The following MYO10 variants were observed in gnomAD, a reference collection of about 807,000 sequenced individuals.
The protein encoded by MYO10 is unconventional myosin-X.
In MYO10, 133 loss-of-function variants were observed where a neutral mutation model predicts 257.3. The observed-to-expected ratio is 0.52, with a 90% CI of 0.45 to 0.60. The LOEUF (loss-of-function observed/expected upper bound fraction) is 0.60. Among genes scored for constraint, MYO10 ranks in the 20% least tolerant of loss-of-function variants. The probability of loss-of-function intolerance (pLI) is 0.00; values close to 1 mark genes in which losing one functional copy is unlikely to be tolerated. For missense variants in MYO10, 2,399 were observed against 2,635.7 expected, an observed-to-expected ratio of 0.91 and a Z score of 1.97; for synonymous variants, 1,104 against 1,028.6, an observed-to-expected ratio of 1.07 and a Z score of -1.40.
chr5:16,681,848 G>A (rs918751784), intron 31 of MYO10, 23 bp downstream of exon 31: 16 of 1,611,340 alleles, frequency 9.9e-6, no homozygotes, highest in Middle Eastern at 1.7e-4. Flanking sequence ...TAAGCAGACC[G>A]AGGAAGCAGG....
intron 1 of MYO10, among the ~76,000 whole-genome samples, chr5:16,927,328 A>G (rs370041520): frequency 6.7e-6 from 1 of 149,294 alleles, no homozygotes; most frequent in South Asian, 2.1e-4. Context: ...TTGTTTGTTT[A>G]TTTATTTATT....
intron 9 of MYO10, among the ~76,000 whole-genome samples, chr5:16,776,805 A>G (rs888948233): frequency 2.0e-5 from 3 of 152,256 alleles, no homozygotes; most frequent in African/African-American, 2.4e-5. Flanking sequence ...TTCCCAGGAC[A>G]AGGGAGCTGC....
chr5:16,761,147 T>C (rs190023976), intron 17 of MYO10, among the ~76,000 whole-genome samples: 3 of 152,152 alleles, frequency 2.0e-5, no homozygotes, highest in East Asian at 1.9e-4. Flanking sequence ...CCTGCCACCA[T>C]GCTTGGCTAA....
intron 33 of MYO10, among the ~76,000 whole-genome samples, chr5:16,678,356 G>T (rs1736832595): frequency 6.6e-6 from 1 of 152,200 alleles, no homozygotes; most frequent in Admixed American, 6.5e-5. Flanking sequence ...GAGGTAGGCA[G>T]ATCACCTGAG....
At chr5:16,915,626 G>A (rs949211248) in intron 1 of MYO10, among the ~76,000 whole-genome samples, 1 of 152,144 alleles carries the variant, frequency 6.6e-6, no homozygotes, top group African/African-American at 2.4e-5. Flanking sequence ...CATCAACAGT[G>A]GTCTTCAACA....
intron 28 of MYO10, among the ~76,000 whole-genome samples, chr5:16,688,663 C>CTGGAAGG: frequency 6.6e-6 from 1 of 151,862 alleles, no homozygotes; most frequent in South Asian, 2.1e-4. Context: ...TTGCTTGAAC[C>CTGGAAGG]TGGAAGGTGG....
chr5:16,802,771 C>T (rs1742158682), intron 3 of MYO10, among the ~76,000 whole-genome samples: 1 of 151,296 alleles, frequency 6.6e-6, no homozygotes, highest in Non-Finnish European at 1.5e-5. Flanking sequence ...TAAAAACAAG[C>T]ACAGACTTGA....
At chr5:16,780,231 T>G (rs543505505) in intron 8 of MYO10, among the ~76,000 whole-genome samples, 1 of 152,174 alleles carries the variant, frequency 6.6e-6, no homozygotes, top group South Asian at 2.1e-4. Flanking sequence ...TTAACTTTAT[T>G]CAGGGTGGCT....
At chr5:16,911,503 G>A (rs375176801) in intron 1 of MYO10, among the ~76,000 whole-genome samples, 5 of 152,054 alleles carry the variant, frequency 3.3e-5, no homozygotes, top group South Asian at 2.1e-4. Flanking sequence ...AGGCTGAGGC[G>A]GGGGGATCCC....
intron 1 of MYO10, among the ~76,000 whole-genome samples, chr5:16,929,197 C>A: frequency 6.6e-6 from 1 of 152,036 alleles, no homozygotes; most frequent in East Asian, 2.0e-4. Flanking sequence ...TCGTGATCCG[C>A]CCACCTCGGC....
intron 2 of MYO10, among the ~76,000 whole-genome samples, chr5:16,855,870 G>A (rs1302353535): frequency 4.7e-5 from 7 of 149,760 alleles, no homozygotes; most frequent in South Asian, 2.1e-4. Flanking sequence ...AGACTGAAAT[G>A]CTCACTGAAT....
intron 2 of MYO10, among the ~76,000 whole-genome samples, chr5:16,877,349 G>C (rs1241805136): frequency 6.6e-6 from 1 of 152,156 alleles, no homozygotes; most frequent in South Asian, 2.1e-4. Context: ...AGATACCCAG[G>C]AGGGAAACCA....
chr5:16,867,284 C>T (rs1231251874), intron 2 of MYO10, among the ~76,000 whole-genome samples: 3 of 152,168 alleles, frequency 2.0e-5, no homozygotes, highest in Admixed American at 6.5e-5. Flanking sequence ...GGGTCAGCTC[C>T]AAAGGACAGA....
In MYO10 at chr5:16,665,639, G is replaced by C. The variant is rs975309795; in HGVS notation, c.*1053C>G. ...TGGAATGCAGCGTCTCTCCCCCATA[G>C]TCAACATGGTTATTATATCTGTAAT... On this transcript the variant is annotated 3_prime_UTR_variant, in exon 41 of 41. Transcript: ENST00000513610. The C allele has an allele frequency of 6.6e-6, 1 of 152,318 alleles. No homozygotes were observed. Among genetic ancestry groups the C allele is most frequent in the Non-Finnish European group, 1.5e-5 (1 of 68,024 alleles). 9.4% of individuals were successfully genotyped at this position (152,318 alleles called of 1,614,324 possible). A position where few individuals can be genotyped will look rare whatever the true frequency, so the allele number is the denominator to read the frequency against.
Position 16,842,313 on chromosome 5 carries a change from A to G in MYO10, c.121-24146T>C, listed in dbSNP as rs116029342. 6.3e-3 allele frequency among the ~76,000 whole-genome samples: 963 copies of G among 152,246 alleles called. 11 individuals are homozygous for G. The highest frequency in any genetic ancestry group is 0.022 in the African/African-American group (902 of 41,562). ...CACAAGAAGCTACAGAAAGAGAGACAAAGGAGAAGAGGTACTGAGAGCCAG... is the reference window on the plus strand; with the variant it reads ...CACAAGAAGCTACAGAAAGAGAGACGAAGGAGAAGAGGTACTGAGAGCCAG... On this transcript the variant is annotated intron_variant, in intron 2 of 40. Transcript: ENST00000513610.
intron 39 of MYO10, among the ~76,000 whole-genome samples, chr5:16,669,458 C>T (rs1044300356): frequency 1.3e-5 from 2 of 152,182 alleles, no homozygotes; most frequent in Non-Finnish European, 2.9e-5. Context: ...CCCGCCTTGG[C>T]CTCCCAAAGC....
At chr5:16,747,877 C>T (rs950849689) in intron 19 of MYO10, among the ~76,000 whole-genome samples, 1 of 136,796 alleles carries the variant, frequency 7.3e-6, no homozygotes, top group African/African-American at 2.6e-5. Flanking sequence ...CGAGATCGTG[C>T]CACTGCACTC....
At chr5:16,818,280 A>T in intron 2 of MYO10, 113 bp from the exon 3 acceptor site, 1 of 946,392 alleles carries the variant, frequency 1.1e-6, no homozygotes, top group Non-Finnish European at 1.5e-6. Flanking sequence ...AAAGATTCTA[A>T]ATTGGACAAT....
chr5:16,768,430 A>G (rs1178914582), intron 10 of MYO10, among the ~76,000 whole-genome samples: 1 of 152,032 alleles, frequency 6.6e-6, no homozygotes, highest in African/African-American at 2.4e-5. Context: ...CCATGCTGGC[A>G]CTCAACAGGA....
Sources: gnomAD v4.1 joint callset for allele counts (sites outside exome capture counted in the v4.1 genomes callset) on GRCh38, gnomAD v4.1.1 for gene constraint, MANE v1.5 for transcripts, NCBI Gene and HGNC (gene_info 2026-07-23, HGNC 2026-07-21) for gene names.